The following SPOCK1 variants were observed in gnomAD, a reference collection of about 807,000 sequenced individuals.
SPOCK1 encodes the protein testican-1.
SPOCK1 carries 23 observed loss-of-function variants against 55.3 expected under a neutral mutation model. The observed-to-expected ratio is 0.42, with a 90% confidence interval of 0.30 to 0.59. The LOEUF (loss-of-function observed/expected upper bound fraction) is 0.59, where lower values mean the gene tolerates loss of function less well. Ranked by LOEUF, SPOCK1 falls within the 20% of genes least tolerant of loss-of-function variation. The probability of loss-of-function intolerance (pLI) is 0.22; values close to 1 mark genes in which losing one functional copy is unlikely to be tolerated. For missense variants in SPOCK1, 499 were observed against 552.5 expected (o/e 0.90, Z 0.97); for synonymous variants, 226 against 221.0 (o/e 1.02, Z -0.20).
At chr5:137,258,197 A>T (rs2127110807) in intron 3 of SPOCK1, among the ~76,000 whole-genome samples, 1 of 152,360 alleles carries the variant, frequency 6.6e-6, no homozygotes, top group Non-Finnish European at 1.5e-5. Flanking sequence ...AAGAAAACTG[A>T]GGTACCCACT....
chr5:137,386,925 A>T (rs563207802), intron 2 of SPOCK1, among the ~76,000 whole-genome samples: 5 of 152,348 alleles, frequency 3.3e-5, no homozygotes, highest in African/African-American at 1.2e-4. Context: ...AAGCACTGTA[A>T]TTCAAAATAT....
chr5:137,484,959 C>T (rs1261641261), intron 2 of SPOCK1, among the ~76,000 whole-genome samples: 1 of 152,046 alleles, frequency 6.6e-6, no homozygotes, highest in Non-Finnish European at 1.5e-5. Context: ...TGATAATATG[C>T]TGTTTATAAT....
chr5:137,380,694 C>T (rs1439613986), intron 2 of SPOCK1, among the ~76,000 whole-genome samples: 6 of 152,082 alleles, frequency 3.9e-5, no homozygotes, highest in South Asian at 4.1e-4. Flanking sequence ...CTCACTAATT[C>T]GAGAATGGCA....
chr5:137,132,284 C>G (rs1356494888), intron 4 of SPOCK1, among the ~76,000 whole-genome samples: 1 of 150,516 alleles, frequency 6.6e-6, no homozygotes, highest in Non-Finnish European at 1.5e-5. Flanking sequence ...TTGTCATTTT[C>G]TCAATGTTTA....
At chr5:137,305,591 A>G (rs978413009) in intron 2 of SPOCK1, among the ~76,000 whole-genome samples, 1 of 152,004 alleles carries the variant, frequency 6.6e-6, no homozygotes, top group African/African-American at 2.4e-5. Flanking sequence ...CGGGATGGCC[A>G]TTCTTAACAT....
intron 2 of SPOCK1, among the ~76,000 whole-genome samples, chr5:137,301,269 CAG>C (rs1757583259): frequency 6.6e-6 from 1 of 152,222 alleles, no homozygotes; most frequent in Non-Finnish European, 1.5e-5. Context: ...GGACAAAGAG[CAG>C]ATCCCAGTAG....
chr5:137,159,908 A>G (rs1188841552), intron 3 of SPOCK1, among the ~76,000 whole-genome samples: 1 of 152,156 alleles, frequency 6.6e-6, no homozygotes, highest in Non-Finnish European at 1.5e-5. Context: ...ATCCATGTCT[A>G]TATTTTATTG....
chr5:137,472,417 G>A (rs1753754949), intron 2 of SPOCK1, among the ~76,000 whole-genome samples: 1 of 151,956 alleles, frequency 6.6e-6, no homozygotes, highest in Admixed American at 6.5e-5. Context: ...ATTTCACTGA[G>A]ATCACATGTT....
chr5:137,205,576 G>A (rs1157534472), intron 3 of SPOCK1, among the ~76,000 whole-genome samples: 1 of 152,260 alleles, frequency 6.6e-6, no homozygotes, highest in Non-Finnish European at 1.5e-5. Context: ...TTGGGATGCA[G>A]TGGCTCTCCC....
intron 2 of SPOCK1, among the ~76,000 whole-genome samples, chr5:137,338,942 G>A (rs540287388): frequency 6.6e-5 from 10 of 152,286 alleles, no homozygotes; most frequent in Admixed American, 5.2e-4. Context: ...GACTGTCAAT[G>A]CCTGACATGT....
intron 2 of SPOCK1, among the ~76,000 whole-genome samples, chr5:137,332,737 T>C (rs1219985822): frequency 6.6e-6 from 1 of 152,138 alleles, no homozygotes; most frequent in Non-Finnish European, 1.5e-5. Context: ...GATACTACAC[T>C]TGATCTTATC....
chr5:137,254,598 G>A (rs371894153), intron 3 of SPOCK1, among the ~76,000 whole-genome samples: 122 of 152,314 alleles, frequency 8.0e-4, no homozygotes, highest in African/African-American at 2.7e-3. Flanking sequence ...AAATATGTAC[G>A]TATGTGTGCA....
chr5:137,418,851 G>C (rs1480296277), intron 2 of SPOCK1, among the ~76,000 whole-genome samples: 1 of 152,174 alleles, frequency 6.6e-6, no homozygotes, highest in African/African-American at 2.4e-5. Context: ...ATTGCTTTTG[G>C]TGTTTTAGAC....
intron 4 of SPOCK1, among the ~76,000 whole-genome samples, chr5:137,131,870 G>T (rs930558511): frequency 1.4e-5 from 2 of 146,780 alleles, no homozygotes; most frequent in African/African-American, 5.1e-5. Context: ...TACTCGGGAG[G>T]CTGAGGCAGG....
At chr5:137,449,422 CTG>C (rs1386213876) in intron 2 of SPOCK1, among the ~76,000 whole-genome samples, 1 of 152,210 alleles carries the variant, frequency 6.6e-6, no homozygotes, top group African/African-American at 2.4e-5. Context: ...TCTGCTACAA[CTG>C]TGTTTTTTCA....
intron 6 of SPOCK1, among the ~76,000 whole-genome samples, chr5:137,054,352 A>G (rs1561592389): frequency 6.6e-6 from 1 of 152,172 alleles, no homozygotes; most frequent in Non-Finnish European, 1.5e-5. Flanking sequence ...CTCCCTCTCA[A>G]CAAGTCTTAT....
intron 5 of SPOCK1, among the ~76,000 whole-genome samples, chr5:137,083,233 T>C (rs1303727912): frequency 6.6e-6 from 1 of 152,134 alleles, no homozygotes; most frequent in African/African-American, 2.4e-5. Flanking sequence ...TTCACTGCCT[T>C]AAGAGGATGT....
intron 6 of SPOCK1, among the ~76,000 whole-genome samples, chr5:137,035,114 C>G (rs565409139): frequency 3.3e-5 from 5 of 152,182 alleles, no homozygotes; most frequent in Non-Finnish European, 5.9e-5. Context: ...AGGACTGCCA[C>G]AAGTTAGCAC....
chr5:136,994,887 C>T (rs1464646481), intron 6 of SPOCK1, among the ~76,000 whole-genome samples: 1 of 151,932 alleles, frequency 6.6e-6, no homozygotes, highest in Admixed American at 6.6e-5. Flanking sequence ...TGCCTGTGAT[C>T]CCAACTACTT....
Sources: gnomAD v4.1 joint callset for allele counts (sites outside exome capture counted in the v4.1 genomes callset) on GRCh38, gnomAD v4.1.1 for gene constraint, MANE v1.5 for transcripts, NCBI Gene and HGNC (gene_info 2026-07-23, HGNC 2026-07-21) for gene names.